Variants in PIEZO2 observed in about 807,000 individuals in gnomAD.
The protein encoded by PIEZO2 is piezo-type mechanosensitive ion channel component 2.
Under a neutral mutation model 337.3 loss-of-function variants are expected in PIEZO2, and 172 were observed. That is an observed-to-expected ratio of 0.51 (90% CI 0.45 to 0.58). The LOEUF (loss-of-function observed/expected upper bound fraction) is 0.58. PIEZO2 is among the 20% of genes least tolerant of loss of function. The probability of loss-of-function intolerance (pLI) is 0.00; values close to 1 mark genes in which losing one functional copy is unlikely to be tolerated. For missense variants in PIEZO2, 3,028 were observed against 3,391.3 expected (o/e 0.89, Z 2.66); for synonymous variants, 1,251 against 1,228.5 (o/e 1.02, Z -0.38).
Position 10,895,637 on chromosome 18 carries a change from T to G in PIEZO2, c.329+15549A>C, listed in dbSNP as rs530391020. Among the ~76,000 whole-genome samples the G allele has an allele frequency of 1.3e-5, 2 of 152,154 alleles. No homozygotes were observed. Among genetic ancestry groups the G allele is most frequent in the East Asian group, 3.9e-4 (2 of 5,154 alleles). ...GGGGTTGCCTCACTCAGGATTTGCA[T>G]TGGAGTGATCCTCAGTTTAACACCT... On this transcript the variant is annotated intron_variant, in intron 4 of 55. Coordinates refer to ENST00000674853, the MANE Select transcript of PIEZO2 (RefSeq NM_001378183.1). The surrounding 1 kb of genome is among the most constrained non-coding windows in gnomAD (Gnocchi z 4.8).
chr18:10,802,217 A>C (rs994131345), intron 9 of PIEZO2, among the ~76,000 whole-genome samples: 12 of 152,126 alleles, frequency 7.9e-5, no homozygotes, highest in Admixed American at 5.2e-4. Context: ...TTAACTAGTA[A>C]TACATTACTA....
At chr18:10,990,211 T>G (rs1481082688) in intron 2 of PIEZO2, among the ~76,000 whole-genome samples, 1 of 152,162 alleles carries the variant, frequency 6.6e-6, no homozygotes, top group Non-Finnish European at 1.5e-5. Context: ...CACAAAATCA[T>G]TTAGGTAAAT....
At position 11,096,913 on chromosome 18, in the gene PIEZO2, C is replaced by T. The variant is rs2039277824; in HGVS notation, c.65-30691G>A. On this transcript the variant is annotated intron_variant, in intron 1 of 55. Coordinates refer to ENST00000674853, the MANE Select transcript of PIEZO2 (RefSeq NM_001378183.1). This position sits in a 1 kb window ranked among gnomAD's most constrained non-coding sequence, Gnocchi z 4.6. ...AAGGTGGATGCTTTCATCTGCAGCC[C>T]TCCAATCCCTATCCTGGAGAAGGAA... 6.6e-6 allele frequency among the ~76,000 whole-genome samples: 1 copy of T among 152,208 alleles called. No individual in the cohort carries two copies.
At chr18:10,741,812 A>G (rs1304877460) in intron 32 of PIEZO2, among the ~76,000 whole-genome samples, 4 of 152,196 alleles carry the variant, frequency 2.6e-5, no homozygotes, top group Non-Finnish European at 5.9e-5. Flanking sequence ...ATTTATAGAA[A>G]TAAAAGATAG....
intron 26 of PIEZO2, among the ~76,000 whole-genome samples, chr18:10,758,613 T>C (rs1351348135): frequency 6.6e-6 from 1 of 152,110 alleles, no homozygotes; most frequent in East Asian, 1.9e-4. Context: ...GCCTGGCTAA[T>C]TTTTTTTACC....
Position 10,726,703 on chromosome 18 carries a change from C to A in PIEZO2, c.5029+4704G>T. On this transcript the variant is annotated intron_variant, in intron 36 of 55. Coordinates refer to ENST00000674853, the MANE Select transcript of PIEZO2 (RefSeq NM_001378183.1). This position sits in a 1 kb window ranked among gnomAD's most constrained non-coding sequence, Gnocchi z 5.9. Reference sequence around the variant, plus strand: ...TTAATTCAGCAAGGACCAGGTGTACCTGAACGGCATCCTGTGCATTCTGGG... The same window carrying A: ...TTAATTCAGCAAGGACCAGGTGTACATGAACGGCATCCTGTGCATTCTGGG... The A allele has an allele frequency of 1.4e-6, 2 of 1,433,866 alleles. No individual in the cohort carries two copies. The highest frequency in any genetic ancestry group is 1.9e-6 in the Non-Finnish European group (2 of 1,026,492). The allele number at this position is 1,433,866 out of a possible 1,614,324, so 88.8% of individuals were successfully genotyped here.
At chr18:11,135,053 ATTT>A (rs58256073) in intron 1 of PIEZO2, among the ~76,000 whole-genome samples, 19 of 115,142 alleles carry the variant, frequency 1.7e-4, no homozygotes, top group African/African-American at 4.9e-4. Context: ...AAAAAAAAAA[ATTT>A]TTTTTCTTAT....
chr18:11,058,284 A>T (rs545225070), intron 2 of PIEZO2, among the ~76,000 whole-genome samples: 1 of 152,318 alleles, frequency 6.6e-6, no homozygotes, highest in Non-Finnish European at 1.5e-5. Flanking sequence ...AAGGACATCC[A>T]CACCAAAACC....
chr18:10,791,141 T>C, intron 14 of PIEZO2, 60 bp downstream of exon 14: 1 of 1,448,482 alleles, frequency 6.9e-7, no homozygotes, highest in Non-Finnish European at 9.1e-7. Flanking sequence ...ATTTTGGGGC[T>C]CTTTCTCTGT....
In PIEZO2 at chr18:10,724,227, C is replaced by T. The variant is rs1415150840; in HGVS notation, c.5030-5968G>A. On this transcript the variant is annotated intron_variant, in intron 36 of 55. Coordinates refer to ENST00000674853, the MANE Select transcript of PIEZO2 (RefSeq NM_001378183.1). This position sits in a 1 kb window ranked among gnomAD's most constrained non-coding sequence, Gnocchi z 5.8. ...TCTTGCTTTCCGCTGGACATGGTGG[C>T]TCATGCGTTTAATTCCAGCACTTTG... Among the ~76,000 whole-genome samples the T allele has an allele frequency of 1.3e-5, 2 of 152,152 alleles. No homozygotes were observed. Among genetic ancestry groups the T allele is most frequent in the Admixed American group, 1.3e-4 (2 of 15,286 alleles).
At chr18:11,064,832 T>C (rs1435607517) in intron 2 of PIEZO2, among the ~76,000 whole-genome samples, 1 of 152,202 alleles carries the variant, frequency 6.6e-6, no homozygotes, top group African/African-American at 2.4e-5. Context: ...ACGCACAACC[T>C]TCTTTCTTTG....
chr18:11,006,577 A>C (rs936482752), intron 2 of PIEZO2, among the ~76,000 whole-genome samples: 3 of 152,176 alleles, frequency 2.0e-5, no homozygotes, highest in Admixed American at 6.5e-5. Flanking sequence ...TTGGTCTATT[A>C]GCTTTCCATT....
At chr18:10,936,815 G>C (rs1405457173) in intron 3 of PIEZO2, among the ~76,000 whole-genome samples, 7 of 152,232 alleles carry the variant, frequency 4.6e-5, no homozygotes, top group African/African-American at 1.7e-4. Flanking sequence ...CTGTGGGACT[G>C]TGCAGACAAA....
chr18:10,737,482 C>T lies in PIEZO2; in HGVS notation c.4709-772G>A, dbSNP rs530554882. Among the ~76,000 whole-genome samples the T allele has an allele frequency of 9.9e-5, 15 of 152,242 alleles. No homozygotes were observed. In the East Asian group the frequency reaches 2.9e-3, roughly 30 times the overall value. On this transcript the variant is annotated intron_variant, in intron 33 of 55. Coordinates refer to ENST00000674853, the MANE Select transcript of PIEZO2 (RefSeq NM_001378183.1). ...CAGACAGGGTCCATAGGGTTTACAACTGCTAGGCTTCTGGTCAACAAGGAA... is the reference window on the plus strand; with the variant it reads ...CAGACAGGGTCCATAGGGTTTACAATTGCTAGGCTTCTGGTCAACAAGGAA...
In PIEZO2 at chr18:11,041,062, A is replaced by G. The variant is rs2037102485; in HGVS notation, c.160+25065T>C. On this transcript the variant is annotated intron_variant, in intron 2 of 55. Transcript: ENST00000674853. ...GGGTGAGACCAGGCACACAACCTGG[A>G]AAGTTAGGGCATCCTCTGAAAACGG... Among the ~76,000 whole-genome samples, 3 of 152,262 alleles carry G rather than the reference A, an allele frequency of 2.0e-5. No individual in the cohort carries two copies. The South Asian group carries it at 6.2e-4, about 32-fold the overall frequency.
chr18:10,917,172 C>A (rs2031047239), intron 3 of PIEZO2, among the ~76,000 whole-genome samples: 1 of 152,072 alleles, frequency 6.6e-6, no homozygotes, highest in Non-Finnish European at 1.5e-5. Context: ...GCTGATGGAA[C>A]AAGGGAGATT....
Position 11,002,477 on chromosome 18 carries a change from C to A in PIEZO2, c.161-22817G>T, listed in dbSNP as rs1028918512. On this transcript the variant is annotated intron_variant, in intron 2 of 55. Coordinates refer to ENST00000674853, the MANE Select transcript of PIEZO2 (RefSeq NM_001378183.1). This position sits in a 1 kb window ranked among gnomAD's most constrained non-coding sequence, Gnocchi z 4.3. ...GGGAACAAACAAAGCACAGTGTTGA[C>A]CCATTTGCAACACATCGTAAACACC... Among the ~76,000 whole-genome samples the A allele has an allele frequency of 2.0e-5, 3 of 152,188 alleles. No individual in the cohort carries two copies. Among genetic ancestry groups the A allele is most frequent in the Non-Finnish European group, 4.4e-5 (3 of 68,044 alleles).
At chr18:10,777,566 G>T (rs960296303) in intron 18 of PIEZO2, among the ~76,000 whole-genome samples, 20 of 152,274 alleles carry the variant, frequency 1.3e-4, no homozygotes, top group African/African-American at 4.8e-4. Context: ...TGACAGGGAC[G>T]CTCAAAGAGG....
Position 10,713,784 on chromosome 18 carries a change from C to T in PIEZO2, c.5423+980G>A, listed in dbSNP as rs1567976059. On this transcript the variant is annotated intron_variant, in intron 39 of 55. Coordinates refer to ENST00000674853, the MANE Select transcript of PIEZO2 (RefSeq NM_001378183.1). This position sits in a 1 kb window ranked among gnomAD's most constrained non-coding sequence, Gnocchi z 4.5. ...ATGTTCTCAGTGATACAATTCTTTA[C>T]CCATGAAGGTGGCTATAAGGTGTAA... Among the ~76,000 whole-genome samples the T allele has an allele frequency of 1.3e-5, 2 of 152,192 alleles. No individual in the cohort carries two copies. The highest frequency in any genetic ancestry group is 4.8e-5 in the African/African-American group (2 of 41,434).
Sources: allele counts gnomAD v4.1 joint callset (sites outside exome capture counted in the v4.1 genomes callset), GRCh38; gene constraint gnomAD v4.1.1; non-coding constraint Gnocchi (gnomAD v3.1); transcripts MANE v1.5; gene names NCBI Gene and HGNC (gene_info 2026-07-23, HGNC 2026-07-21).